The following ZFAT variants were observed in gnomAD, a reference collection of about 807,000 sequenced individuals.
ZFAT encodes zinc finger protein ZFAT.
Under a neutral mutation model 117.7 loss-of-function variants are expected in ZFAT, and 64 were observed. The ratio of observed to expected loss-of-function variants is 0.54; its 90% CI spans 0.44 to 0.67. The LOEUF is 0.67. Among genes scored for constraint, ZFAT ranks in the 30% least tolerant of loss-of-function variants. ZFAT has a pLI of 0.00. For synonymous variants in ZFAT, 679 were observed against 615.0 expected, an observed-to-expected ratio of 1.10 and a Z score of -1.54; for missense variants, 1,433 against 1,584.5, an observed-to-expected ratio of 0.90 and a Z score of 1.62.
At chr8:134,656,397 GAAGT>G (rs1233494522) in intron 2 of ZFAT, among the ~76,000 whole-genome samples, 1 of 152,192 alleles carries the variant, frequency 6.6e-6, no homozygotes, top group Admixed American at 6.5e-5. Flanking sequence ...GGTGATGACA[GAAGT>G]AAGAAATACT....
the ZFAT span, among the ~76,000 whole-genome samples, chr8:134,769,175 G>A: frequency 6.6e-6 from 1 of 151,882 alleles, no homozygotes; most frequent in Non-Finnish European, 1.5e-5. Flanking sequence ...TCTGTCTCAA[G>A]CACCTCCACC....
At chr8:134,696,318 C>T in intron 1 of ZFAT, 1 of 936,194 alleles carries the variant, frequency 1.1e-6, no homozygotes, top group South Asian at 4.9e-5. Context: ...GTACAGCGTT[C>T]CTGCCAGGAG....
At chr8:134,716,563 G>A (rs769972232), upstream of ZFAT, among the ~76,000 whole-genome samples, 4 of 152,158 alleles carry the variant, frequency 2.6e-5, no homozygotes, top group African/African-American at 9.7e-5. Context: ...CCATGTGTGG[G>A]AGTAAGGGAA....
At chr8:134,539,269 A>T (rs982299281) in intron 11 of ZFAT, among the ~76,000 whole-genome samples, 11 of 152,214 alleles carry the variant, frequency 7.2e-5, no homozygotes, top group African/African-American at 2.7e-4. Context: ...AACTGACTGC[A>T]ATGTACAGGA....
At chr8:134,662,649 A>G (rs1185746887) in intron 1 of ZFAT, among the ~76,000 whole-genome samples, 23 of 152,254 alleles carry the variant, frequency 1.5e-4, no homozygotes, top group Admixed American at 1.5e-3. Flanking sequence ...ACCGCCAAGC[A>G]CTGGCTACAC....
At position 134,588,331 on chromosome 8, in the gene ZFAT, T is replaced by C. The variant is rs1241741046; in HGVS notation, c.2628A>G (p.Gly876=). ...GRRVQLKGLI[G]KRAMKCPYCD... ...AATATGGGCATTTCATGGCTCTCTT[T>C]CCAATTAGCCCTTTCAGCTGAACCC... The change falls in exon 9 of 16, where the codon GGA becomes GGG. Residue 876 remains glycine, a synonymous_variant. Transcript: ENST00000377838. The C allele has an allele frequency of 6.3e-7, 1 of 1,591,850 alleles. No homozygotes were observed.
At chr8:134,521,386 G>A (rs1172667557) in intron 12 of ZFAT, among the ~76,000 whole-genome samples, 3 of 152,134 alleles carry the variant, frequency 2.0e-5, no homozygotes, top group Non-Finnish European at 4.4e-5. Context: ...ACAATGGAAA[G>A]GGAGTGTCTG....
the ZFAT span, among the ~76,000 whole-genome samples, chr8:134,811,481 G>T: frequency 2.0e-5 from 3 of 152,110 alleles, no homozygotes; most frequent in Non-Finnish European, 4.4e-5. Flanking sequence ...ATTATTCCCA[G>T]GTCAGAAAAA....
the ZFAT span, among the ~76,000 whole-genome samples, chr8:134,751,363 G>A: frequency 1.3e-5 from 2 of 152,124 alleles, no homozygotes; most frequent in Non-Finnish European, 2.9e-5. Flanking sequence ...GTCCTCAGCA[G>A]GTTCAGAACC....
At chr8:134,562,231 T>C (rs1461522059) in intron 11 of ZFAT, among the ~76,000 whole-genome samples, 1 of 152,138 alleles carries the variant, frequency 6.6e-6, no homozygotes, top group Non-Finnish European at 1.5e-5. Flanking sequence ...GAAGTGAATT[T>C]TTTTTCCCAG....
intron 12 of ZFAT, among the ~76,000 whole-genome samples, chr8:134,527,953 G>A (rs962011529): frequency 6.6e-6 from 1 of 152,154 alleles, no homozygotes; most frequent in Non-Finnish European, 1.5e-5. Flanking sequence ...TCAGTCTTGG[G>A]TCAGATTAGC....
In ZFAT at chr8:134,532,869, G is replaced by T. The variant is rs370573269; in HGVS notation, c.3080C>A (p.Thr1027Asn). Residue 1027 changes from threonine (T) to asparagine (N), a missense_variant, in exon 12 of 16, where the codon ACC (threonine) becomes AAC (asparagine). Transcript: ENST00000377838. Reference protein sequence around the residue: ...HPNEEYANVGTGELAAEVLIQ... With the variant: ...HPNEEYANVGNGELAAEVLIQ... ...GAGCACCTCCGCTGCCAGCTCCCCG[G>T]TGCCCACGTTGGCATACTCCTCATT... is the stretch of plus-strand genomic sequence containing the variant. 1 of 1,609,718 alleles carries T rather than the reference G, an allele frequency of 6.2e-7. No individual in the cohort carries two copies. The highest frequency in any genetic ancestry group is 8.5e-7 in the Non-Finnish European group (1 of 1,178,146).
intron 1 of ZFAT, among the ~76,000 whole-genome samples, chr8:134,674,174 T>C (rs1176369234): frequency 1.3e-5 from 2 of 152,112 alleles, no homozygotes; most frequent in Non-Finnish European, 2.9e-5. Context: ...GTCGGGAGAT[T>C]TTCCCTTTCC....
intron 2 of ZFAT, among the ~76,000 whole-genome samples, chr8:134,650,033 C>T (rs1300368097): frequency 3.3e-5 from 5 of 152,146 alleles, no homozygotes; most frequent in African/African-American, 1.2e-4. Context: ...CCTGCTTCTC[C>T]TTTGCCTTCT....
At chr8:134,753,734 A>G in the ZFAT span, among the ~76,000 whole-genome samples, 1 of 152,266 alleles carries the variant, frequency 6.6e-6, no homozygotes, top group Non-Finnish European at 1.5e-5. Flanking sequence ...AGTAAAATAA[A>G]CAAAATATTA....
chr8:134,600,401 G>C (rs1827322106), intron 7 of ZFAT, 35 bp downstream of exon 7: 1 of 1,578,128 alleles, frequency 6.3e-7, no homozygotes, highest in South Asian at 1.1e-5. Context: ...GAGCACCCAG[G>C]GGAGACGGGG....
At chr8:134,776,525 T>C in the ZFAT span, among the ~76,000 whole-genome samples, 1 of 151,978 alleles carries the variant, frequency 6.6e-6, no homozygotes, top group Non-Finnish European at 1.5e-5. Context: ...GCTTCGTTTT[T>C]TGTTGTTGTT....
chr8:134,813,008 TAAC>T, the ZFAT span, among the ~76,000 whole-genome samples: 1 of 152,200 alleles, frequency 6.6e-6, no homozygotes, highest in South Asian at 2.1e-4. Context: ...TCTGTGCTGT[TAAC>T]TGAGAAGGAT....
intron 2 of ZFAT, among the ~76,000 whole-genome samples, chr8:134,653,524 C>T (rs75925872): frequency 1.4e-5 from 2 of 140,746 alleles, no homozygotes; most frequent in East Asian, 4.5e-4. Flanking sequence ...CTCAACTTCT[C>T]AAAATGCTAG....
Sources: allele counts gnomAD v4.1 joint callset (sites outside exome capture counted in the v4.1 genomes callset), GRCh38; gene constraint gnomAD v4.1.1; transcripts MANE v1.5; gene names NCBI Gene and HGNC (gene_info 2026-07-23, HGNC 2026-07-21).